The following GDF6 variants were observed in gnomAD, a reference collection of about 807,000 sequenced individuals.
GDF6 encodes the protein growth/differentiation factor 6.
In GDF6, 3 loss-of-function variants were observed where a neutral mutation model predicts 32.4. The observed-to-expected ratio is 0.09, with a 90% CI of 0.04 to 0.24. The LOEUF is 0.24. Ranked by LOEUF, GDF6 falls within the 10% of genes least tolerant of loss-of-function variation. The pLI, the probability that GDF6 is intolerant of heterozygous loss-of-function variation, is 1.00. For missense variants in GDF6, 589 were observed against 637.9 expected (o/e 0.92, Z 0.83); for synonymous variants, 296 against 295.3 (o/e 1.00, Z -0.03).
rs1312992001 is a variant in GDF6, at chr8:96,144,242, AATAGAGAGAG to A, written c.*311_*320del. Reference sequence around the variant, plus strand: ...ACATAAGGAAATCCAAAGCCACAGTAATAGAGAGAGAGAGAGAGAGAGAGAGAGAGAGAGA... The same window carrying A: ...ACATAAGGAAATCCAAAGCCACAGTAAGAGAGAGAGAGAGAGAGAGAGAGA... On this transcript the variant is annotated 3_prime_UTR_variant, in exon 2 of 2. Coordinates refer to ENST00000287020, the MANE Select transcript of GDF6 (RefSeq NM_001001557.4). This position sits in a 1 kb window ranked among gnomAD's most constrained non-coding sequence, Gnocchi z 5.1. 2.7e-4 allele frequency: 51 copies of A among 190,066 alleles called. No individual in the cohort carries two copies. Among genetic ancestry groups the A allele is most frequent in the African/African-American group, 2.2e-3 (38 of 17,434 alleles). The allele number at this position is 190,066 out of a possible 1,614,324, so 11.8% of individuals were successfully genotyped here.
rs1812748412 is a variant in GDF6, at chr8:96,160,777, G to T, written c.-85C>A. On this transcript the variant is annotated 5_prime_UTR_variant, in exon 1 of 2. Coordinates refer to ENST00000287020, the MANE Select transcript of GDF6 (RefSeq NM_001001557.4). Reference sequence around the variant, plus strand: ...CACGGAGCGGCTGGACAGCGGCCGGGGCCCGGCTCCTCGGGCGGACTCGGA... The same window carrying T: ...CACGGAGCGGCTGGACAGCGGCCGGTGCCCGGCTCCTCGGGCGGACTCGGA... 1 of 1,399,150 alleles carries T rather than the reference G, an allele frequency of 7.1e-7. No homozygotes were observed. The highest frequency in any genetic ancestry group is 1.5e-5 in the African/African-American group (1 of 68,638). 86.7% of individuals were successfully genotyped at this position (1,399,150 alleles called of 1,614,324 possible). A position where few individuals can be genotyped will look rare whatever the true frequency, so the allele number is the denominator to read the frequency against.
chr8:96,145,353 G>C lies in GDF6; in HGVS notation c.578C>G (p.Ser193Trp), dbSNP rs866756897. ...PLHVQLFPCL[S>W]PLLLDARTLD... Reference sequence around the variant, plus strand: ...GGTCCGCGCGTCCAGCAGTAGGGGCGAAAGGCAAGGGAAGAGCTGCACGTG... The same window carrying C: ...GGTCCGCGCGTCCAGCAGTAGGGGCCAAAGGCAAGGGAAGAGCTGCACGTG... Residue 193 changes from serine (S) to tryptophan (W), a missense_variant, in exon 2 of 2, where the codon TCG becomes TGG. Coordinates refer to ENST00000287020, the MANE Select transcript of GDF6 (RefSeq NM_001001557.4). This position sits in a 1 kb window ranked among gnomAD's most constrained non-coding sequence, Gnocchi z 5.6. 1 of 1,550,488 alleles carries C rather than the reference G, an allele frequency of 6.4e-7. No individual in the cohort carries two copies. Among genetic ancestry groups the C allele is most frequent in the Admixed American group, 1.9e-5 (1 of 52,384 alleles).
chr8:96,159,198 C>T (rs1009554750), intron 1 of GDF6, among the ~76,000 whole-genome samples: 6 of 152,126 alleles, frequency 3.9e-5, no homozygotes, highest in Admixed American at 3.3e-4. Context: ...GCTTTTATCC[C>T]GTCATTTTCT....
intron 1 of GDF6, among the ~76,000 whole-genome samples, chr8:96,153,037 C>T (rs377359626): frequency 1.8e-4 from 27 of 152,324 alleles, no homozygotes; most frequent in East Asian, 1.7e-3. Context: ...AAAACAGCTT[C>T]GCACCCCTCA....
chr8:96,160,486 C>A lies in GDF6; in HGVS notation c.207G>T (p.Pro69=), dbSNP rs2130238023. The A allele has an allele frequency of 1.9e-6, 3 of 1,612,764 alleles. No homozygotes were observed. Among genetic ancestry groups the A allele is most frequent in the Non-Finnish European group, 2.5e-6 (3 of 1,179,336 alleles). The change falls in exon 1 of 2, where the codon CCG becomes CCT. Residue 69 remains proline, a synonymous_variant. Transcript: ENST00000287020. The part of the protein sequence containing the change: ...DAGREGQEPQ[P]RPQDEPRAQQ... ...GAGCCCGGGGTTCGTCCTGAGGCCG[C>A]GGCTGTGGTTCCTGGCCCTCCCGGC...
At position 96,151,091 on chromosome 8, in the gene GDF6, T is replaced by G. The variant is rs1812560829; in HGVS notation, c.407-5567A>C. 4.6e-5 allele frequency among the ~76,000 whole-genome samples: 7 copies of G among 152,190 alleles called. No homozygotes were observed. The South Asian group carries it at 1.5e-3, about 32-fold the overall frequency. On this transcript the variant is annotated intron_variant, in intron 1 of 1. Coordinates refer to ENST00000287020, the MANE Select transcript of GDF6 (RefSeq NM_001001557.4). The stretch of plus-strand genomic sequence containing the variant: ...GTACCCTCTTCCTGAAATACAGATC[T>G]CTTGGGCCTCCCCCTGAGGAGATAC...
At chr8:96,158,112 G>A (rs1445820418) in intron 1 of GDF6, among the ~76,000 whole-genome samples, 1 of 152,196 alleles carries the variant, frequency 6.6e-6, no homozygotes, top group African/African-American at 2.4e-5. Flanking sequence ...GATGCTGTCC[G>A]GGTGGTCATG....
At chr8:96,147,396 T>C (rs1265884787) in intron 1 of GDF6, among the ~76,000 whole-genome samples, 1 of 152,250 alleles carries the variant, frequency 6.6e-6, no homozygotes, top group Admixed American at 6.5e-5. Context: ...TGTCTGACAA[T>C]GCTCAGCCTC....
At chr8:96,153,470 A>C (rs1328409154) in intron 1 of GDF6, among the ~76,000 whole-genome samples, 2 of 152,254 alleles carry the variant, frequency 1.3e-5, no homozygotes, top group South Asian at 2.1e-4. Flanking sequence ...TGAGGCGCGC[A>C]CGCGGCCTGC....
chr8:96,159,568 C>A (rs1044183435), intron 1 of GDF6, among the ~76,000 whole-genome samples: 2 of 152,236 alleles, frequency 1.3e-5, no homozygotes, highest in Admixed American at 1.3e-4. Context: ...TATTAAGTAC[C>A]CACAACCTCC....
chr8:96,157,169 G>T (rs1812678744), intron 1 of GDF6, among the ~76,000 whole-genome samples: 1 of 152,130 alleles, frequency 6.6e-6, no homozygotes, highest in Non-Finnish European at 1.5e-5. Context: ...ACTCCTAGGT[G>T]TCTGGAGAGC....
intron 1 of GDF6, among the ~76,000 whole-genome samples, chr8:96,151,862 C>G (rs1812573493): frequency 6.6e-6 from 1 of 152,178 alleles, no homozygotes; most frequent in Admixed American, 6.5e-5. Flanking sequence ...TAATCTCTCC[C>G]AGCCTCATAT....
At chr8:96,156,932 A>G (rs1401862625) in intron 1 of GDF6, among the ~76,000 whole-genome samples, 1 of 152,208 alleles carries the variant, frequency 6.6e-6, no homozygotes, top group African/African-American at 2.4e-5. Context: ...GCTCTAGTTA[A>G]ACATGCAGGG....
rs1340177369 is a variant in GDF6, at chr8:96,154,286, C to G, written c.406+6001G>C. Reference sequence around the variant, plus strand: ...CCACTAGCGCCGCCGCGCGCGCTTCCCTAGGAACGTTGTCCAGCGCCGCCC... The same window carrying G: ...CCACTAGCGCCGCCGCGCGCGCTTCGCTAGGAACGTTGTCCAGCGCCGCCC... On this transcript the variant is annotated intron_variant, in intron 1 of 1. Coordinates refer to ENST00000287020, the MANE Select transcript of GDF6 (RefSeq NM_001001557.4). 2.0e-5 allele frequency among the ~76,000 whole-genome samples: 3 copies of G among 152,098 alleles called. No individual in the cohort carries two copies. In the East Asian group the frequency reaches 5.8e-4, roughly 29 times the overall value.
In GDF6 at chr8:96,160,796, A is replaced by C. The variant is rs1812748860; in HGVS notation, c.-104T>G. On this transcript the variant is annotated 5_prime_UTR_variant, in exon 1 of 2. Coordinates refer to ENST00000287020, the MANE Select transcript of GDF6 (RefSeq NM_001001557.4). The stretch of plus-strand genomic sequence containing the variant: ...GGCCGGGGCCCGGCTCCTCGGGCGG[A>C]CTCGGAGTGCGAGGAGCCGGGTCCC... 3 of 1,114,536 alleles carry C rather than the reference A, an allele frequency of 2.7e-6. No homozygotes were observed. The highest frequency in any genetic ancestry group is 3.8e-6 in the Non-Finnish European group (3 of 792,050). 69.0% of individuals were successfully genotyped at this position (1,114,536 alleles called of 1,614,324 possible). A position where few individuals can be genotyped will look rare whatever the true frequency, so the allele number is the denominator to read the frequency against.
rs1812421346 is a variant in GDF6, at chr8:96,144,256, G to GAGAC, written c.*306_*307insGTCT. 2.6e-6 allele frequency: 1 copy of GAGAC among 384,942 alleles called. No homozygotes were observed. The highest frequency in any genetic ancestry group is 2.4e-5 in the African/African-American group (1 of 41,314). 23.8% of individuals were successfully genotyped at this position (384,942 alleles called of 1,614,324 possible). A position where few individuals can be genotyped will look rare whatever the true frequency, so the allele number is the denominator to read the frequency against. On this transcript the variant is annotated 3_prime_UTR_variant, in exon 2 of 2. Coordinates refer to ENST00000287020, the MANE Select transcript of GDF6 (RefSeq NM_001001557.4). The surrounding 1 kb of genome is among the most constrained non-coding windows in gnomAD (Gnocchi z 5.1). ...AAAGCCACAGTAATAGAGAGAGAGAGAGAGAGAGAGAGAGAGAGAGAGAGA... is the reference window on the plus strand; with the variant it reads ...AAAGCCACAGTAATAGAGAGAGAGAGAGACAGAGAGAGAGAGAGAGAGAGAGAGA...
At chr8:96,153,018 A>G (rs774702632) in intron 1 of GDF6, among the ~76,000 whole-genome samples, 62 of 152,272 alleles carry the variant, frequency 4.1e-4, no homozygotes, top group Admixed American at 2.6e-4. Flanking sequence ...CTCGAATCCC[A>G]CCCAACTGAA....
chr8:96,156,394 CTCTCTCT>C (rs1812664326), intron 1 of GDF6, among the ~76,000 whole-genome samples: 1 of 148,560 alleles, frequency 6.7e-6, no homozygotes, highest in South Asian at 2.1e-4. Context: ...CTCTCTCTCT[CTCTCTCT>C]CTCTTTCCCT....
chr8:96,155,045 G>T (rs890164675), intron 1 of GDF6, among the ~76,000 whole-genome samples: 3 of 152,148 alleles, frequency 2.0e-5, no homozygotes, highest in Non-Finnish European at 2.9e-5. Context: ...AGAGGGATTC[G>T]CCAGGCCTGT....
Sources: allele counts gnomAD v4.1 joint callset (sites outside exome capture counted in the v4.1 genomes callset), GRCh38; gene constraint gnomAD v4.1.1; non-coding constraint Gnocchi (gnomAD v3.1); transcripts MANE v1.5; gene names NCBI Gene and HGNC (gene_info 2026-07-23, HGNC 2026-07-21).